ANKRD28: variants seen among roughly 807,000 people sequenced by gnomAD.
ANKRD28 encodes the protein serine/threonine-protein phosphatase 6 regulatory ankyrin repeat subunit A.
A neutral mutation model predicts 126.5 loss-of-function variants in ANKRD28; 44 were observed. The ratio of observed to expected loss-of-function variants is 0.35; its 90% CI spans 0.27 to 0.45. ANKRD28 has a LOEUF of 0.45. ANKRD28 is among the 20% of genes least tolerant of loss of function. The pLI is 1.00. For missense variants in ANKRD28, 1,110 were observed against 1,316.6 expected (o/e 0.84, Z 2.43); for synonymous variants, 442 against 468.5 (o/e 0.94, Z 0.73).
intron 3 of ANKRD28, chr3:15,756,589 C>A: frequency 1.3e-6 from 1 of 782,478 alleles, no homozygotes; most frequent in Non-Finnish European, 1.5e-6. Context: ...AGGAGAGATA[C>A]GTGATCTCAT....
At chr3:15,710,036 G>T (rs1439216018) in intron 12 of ANKRD28, among the ~76,000 whole-genome samples, 1 of 146,336 alleles carries the variant, frequency 6.8e-6, no homozygotes, top group Non-Finnish European at 1.5e-5. Flanking sequence ...TTGCTTATAG[G>T]TTTTTTTTTT....
chr3:15,740,016 A>G (rs930779790), intron 4 of ANKRD28, among the ~76,000 whole-genome samples: 5 of 151,952 alleles, frequency 3.3e-5, no homozygotes, highest in Non-Finnish European at 5.9e-5. Context: ...ATGTCCATCA[A>G]CAGAAAAATG....
Position 15,676,005 on chromosome 3 carries a change from T to G in ANKRD28, c.2874-16A>C. ...ATGCAGAGGTCTAGGGGAAAAAACA[T>G]GATACATGTACACATATGTGCATGT... On this transcript the variant is annotated splice_polypyrimidine_tract_variant and intron_variant, in intron 26 of 27. Coordinates refer to ENST00000683139, the MANE Select transcript of ANKRD28 (RefSeq NM_001349278.2). 2 of 1,606,458 alleles carry G rather than the reference T, an allele frequency of 1.2e-6. No homozygotes were observed. The highest frequency in any genetic ancestry group is 1.7e-6 in the Non-Finnish European group (2 of 1,175,236).
chr3:15,796,718 T>A lies in ANKRD28; in HGVS notation c.-197A>T, dbSNP rs2060293293. ...AATTATGACTACATAATTTGTAACTTCCTAAATATAACGAAATTCTATTAT... is the reference window on the plus strand; with the variant it reads ...AATTATGACTACATAATTTGTAACTACCTAAATATAACGAAATTCTATTAT... On this transcript the variant is annotated 5_prime_UTR_variant, in exon 1 of 28. Transcript: ENST00000683139. 15 of 985,552 alleles carry A rather than the reference T, an allele frequency of 1.5e-5. No individual in the cohort carries two copies. The highest frequency in any genetic ancestry group is 1.7e-5 in the Non-Finnish European group (14 of 826,666). 61.1% of individuals were successfully genotyped at this position (985,552 alleles called of 1,614,324 possible). A position where few individuals can be genotyped will look rare whatever the true frequency, so the allele number is the denominator to read the frequency against.
In ANKRD28 at chr3:15,803,793, C is replaced by G. The variant is rs1476589473; in HGVS notation, c.28-8487G>C. Among the ~76,000 whole-genome samples the G allele has an allele frequency of 3.5e-5, 5 of 143,634 alleles. 1 individual carries two copies. The highest frequency in any genetic ancestry group is 7.5e-5 in the Non-Finnish European group (5 of 66,830). 94.2% of individuals were successfully genotyped at this position (143,634 alleles called of 152,430 possible). On this transcript the variant is annotated intron_variant, in intron 1 of 27. Coordinates refer to the ANKRD28 transcript ENST00000399451. ...GACTTTTTTAGTTTCCAAATTTATA[C>G]AATGAAGAATGTTACTTGTTACATC...
intron 14 of ANKRD28, among the ~76,000 whole-genome samples, chr3:15,699,499 A>G (rs1401990905): frequency 6.6e-6 from 1 of 152,228 alleles, no homozygotes; most frequent in Non-Finnish European, 1.5e-5. Flanking sequence ...CCCATCTGAC[A>G]AAGGGCTAAT....
In ANKRD28 at chr3:15,814,113, CACTA is replaced by C. The variant is rs759722561; in HGVS notation, c.28-18811_28-18808del. On this transcript the variant is annotated intron_variant, in intron 1 of 27. Transcript: ENST00000399451. This position sits in a 1 kb window ranked among gnomAD's most constrained non-coding sequence, Gnocchi z 4.7. ...CTACAATAAAGGACTTTTTGGCTGA[CACTA>C]ACTATTTACTCACATACAGTTATGT... 2.1e-4 allele frequency: 62 copies of C among 293,062 alleles called. 2 individuals are homozygous for C. Among genetic ancestry groups the C allele is most frequent in the Middle Eastern group, 1.0e-3 (2 of 1,940 alleles). The allele number at this position is 293,062 out of a possible 1,614,324, so 18.2% of individuals were successfully genotyped here.
At chr3:15,826,510 T>C (rs1278707935) in intron 1 of ANKRD28, among the ~76,000 whole-genome samples, 1 of 152,162 alleles carries the variant, frequency 6.6e-6, no homozygotes, top group African/African-American at 2.4e-5. Flanking sequence ...GCCTAGATGA[T>C]AAAAGCTAAC....
chr3:15,776,743 C>T (rs138599512), intron 2 of ANKRD28, among the ~76,000 whole-genome samples: 120 of 152,196 alleles, frequency 7.9e-4, no homozygotes, highest in African/African-American at 2.8e-3. Flanking sequence ...ATTTGTTTTA[C>T]ATAAGTTTAT....
intron 3 of ANKRD28, among the ~76,000 whole-genome samples, chr3:15,756,058 A>T (rs1350932340): frequency 6.6e-6 from 1 of 152,234 alleles, no homozygotes; most frequent in African/African-American, 2.4e-5. Context: ...CAACTGTATA[A>T]TCAATATTTT....
chr3:15,827,572 A>C (rs1185482804), intron 1 of ANKRD28, among the ~76,000 whole-genome samples: 1 of 152,168 alleles, frequency 6.6e-6, no homozygotes, highest in Non-Finnish European at 1.5e-5. Context: ...TGTTGAAAAG[A>C]CTGTCTTTTG....
intron 2 of ANKRD28, among the ~76,000 whole-genome samples, chr3:15,777,271 C>CAAAAAA (rs148444429): frequency 9.0e-6 from 1 of 111,628 alleles, no homozygotes; most frequent in Non-Finnish European, 1.9e-5. Context: ...GACTCCGTCT[C>CAAAAAA]AAAAAAAAAA....
intron 14 of ANKRD28, among the ~76,000 whole-genome samples, chr3:15,701,224 G>C (rs1045564042): frequency 2.0e-5 from 3 of 152,100 alleles, no homozygotes; most frequent in African/African-American, 7.2e-5. Flanking sequence ...AAATGCTTTA[G>C]ACCTCTTAGA....
chr3:15,819,705 G>A (rs2125907860), intron 1 of ANKRD28, among the ~76,000 whole-genome samples: 2 of 152,236 alleles, frequency 1.3e-5, no homozygotes, highest in South Asian at 4.1e-4. Context: ...AATGTATTAA[G>A]AATTACAAAA....
chr3:15,735,354 A>AAT (rs2074945512), intron 6 of ANKRD28, 56 bp downstream of exon 6: 86 of 1,374,842 alleles, frequency 6.3e-5, no homozygotes, highest in Non-Finnish European at 8.6e-5. Flanking sequence ...AAGAACTTGA[A>AAT]ATGTACAACT....
chr3:15,769,141 A>G (rs182363827), intron 2 of ANKRD28, among the ~76,000 whole-genome samples: 21 of 152,338 alleles, frequency 1.4e-4, no homozygotes, highest in Admixed American at 9.2e-4. Context: ...CACATAGCAC[A>G]ACAACACAGA....
chr3:15,682,617 T>C (rs190877326), intron 21 of ANKRD28, among the ~76,000 whole-genome samples: 1 of 152,346 alleles, frequency 6.6e-6, no homozygotes, highest in East Asian at 1.9e-4. Flanking sequence ...TTTTAGTATC[T>C]ACAGCCAGTG....
At position 15,848,687 on chromosome 3, in the gene ANKRD28, A is replaced by T. The variant is rs753841438; in HGVS notation, c.27+10690T>A. ...TGAGACCTTAACTTAAAAAAAAAAA[A>T]ATATAGCAGCAGCTAACAATCAATA... On this transcript the variant is annotated intron_variant, in intron 1 of 27. Coordinates refer to the ANKRD28 transcript ENST00000399451. Among the ~76,000 whole-genome samples, 149 of 152,218 alleles carry T rather than the reference A, an allele frequency of 9.8e-4. 1 individual carries two copies. Among genetic ancestry groups the T allele is most frequent in the Admixed American group, 1.4e-3 (21 of 15,302 alleles).
intron 18 of ANKRD28, among the ~76,000 whole-genome samples, chr3:15,688,971 GAAATA>G (rs1334494030): frequency 6.6e-6 from 1 of 152,316 alleles, no homozygotes; most frequent in South Asian, 2.1e-4. Flanking sequence ...CTACCAGAAA[GAAATA>G]AATACTGCAT....
Sources: gnomAD v4.1 joint callset for allele counts (sites outside exome capture counted in the v4.1 genomes callset) on GRCh38, gnomAD v4.1.1 for gene constraint, Gnocchi (gnomAD v3.1) non-coding constraint, MANE v1.5 for transcripts, NCBI Gene and HGNC (gene_info 2026-07-23, HGNC 2026-07-21) for gene names.